Variants in CLINT1 observed in about 807,000 individuals in gnomAD.
CLINT1 encodes clathrin interactor 1.
In CLINT1, 15 loss-of-function variants were observed where a neutral mutation model predicts 70.4. The ratio of observed to expected loss-of-function variants is 0.21; its 90% CI spans 0.14 to 0.33. The LOEUF (loss-of-function observed/expected upper bound fraction) is 0.33, where lower values mean the gene tolerates loss of function less well. CLINT1 is among the 10% of genes least tolerant of loss of function. The pLI, the probability that CLINT1 is intolerant of heterozygous loss-of-function variation, is 1.00. For synonymous variants in CLINT1, 227 were observed against 254.7 expected (o/e 0.89, Z 1.04); for missense variants, 615 against 778.1 (o/e 0.79, Z 2.49).
chr5:157,858,813 TG>T, intron 1 of CLINT1, 116 bp downstream of exon 1: 1 of 1,131,362 alleles, frequency 8.8e-7, no homozygotes, highest in Non-Finnish European at 1.3e-6. Flanking sequence ...GCCGCCATGA[TG>T]GGGCTGGCAG....
At chr5:157,798,160 T>C (rs1471622909) in intron 8 of CLINT1, among the ~76,000 whole-genome samples, 1 of 152,234 alleles carries the variant, frequency 6.6e-6, no homozygotes, top group Non-Finnish European at 1.5e-5. Flanking sequence ...CATATCTGTA[T>C]GTATGATATT....
At chr5:157,793,191 T>C (rs754531375) in intron 9 of CLINT1, among the ~76,000 whole-genome samples, 36 of 151,800 alleles carry the variant, frequency 2.4e-4, no homozygotes, top group Non-Finnish European at 4.4e-4. Context: ...TACCTCAGGG[T>C]TTTACTAATA....
chr5:157,835,870 T>G (rs558574513), intron 1 of CLINT1, among the ~76,000 whole-genome samples: 8 of 152,226 alleles, frequency 5.3e-5, no homozygotes, highest in Admixed American at 3.9e-4. Flanking sequence ...ATAGAAAGAT[T>G]TGAAGAACTA....
intron 1 of CLINT1, among the ~76,000 whole-genome samples, chr5:157,845,984 T>C (rs1339359179): frequency 1.3e-5 from 2 of 152,186 alleles, no homozygotes; most frequent in East Asian, 1.9e-4. Flanking sequence ...TGCTAATTGA[T>C]AGTAAGTTGA....
chr5:157,845,035 A>G (rs1019521987), intron 1 of CLINT1, among the ~76,000 whole-genome samples: 1 of 152,204 alleles, frequency 6.6e-6, no homozygotes, highest in Non-Finnish European at 1.5e-5. Context: ...ACACACTGCA[A>G]CTGAATTTGG....
chr5:157,827,469 C>A (rs74568174), intron 1 of CLINT1, among the ~76,000 whole-genome samples: 1,562 of 152,058 alleles, frequency 0.01, 36 homozygotes, highest in African/African-American at 0.037. Context: ...ATATTTAAAC[C>A]AGGATAGTGG....
rs182321298 is a variant in CLINT1, at chr5:157,848,162, C to T, written c.41+10768G>A. Among the ~76,000 whole-genome samples the T allele has an allele frequency of 1.7e-4, 25 of 144,954 alleles. No homozygotes were observed. In the East Asian group the frequency reaches 4.2e-3, roughly 25 times the overall value. ...CTCTGTCGCCCAGGCTGGAGTGGCA[C>T]TATCTTGGCTCACTGAAACCTCCAC... On this transcript the variant is annotated intron_variant, in intron 1 of 11. Transcript: ENST00000411809.
At chr5:157,837,648 ACT>A (rs1763471780) in intron 1 of CLINT1, among the ~76,000 whole-genome samples, 1 of 70,198 alleles carries the variant, frequency 1.4e-5, no homozygotes, top group African/African-American at 5.5e-5. Context: ...AAGCTCTTTT[ACT>A]TTTTTTTTTT....
intron 1 of CLINT1, among the ~76,000 whole-genome samples, chr5:157,842,732 A>G (rs1351672589): frequency 2.0e-5 from 3 of 152,240 alleles, no homozygotes; most frequent in African/African-American, 7.2e-5. Context: ...AATAAATTTT[A>G]AAAGTTTAAG....
intron 1 of CLINT1, among the ~76,000 whole-genome samples, chr5:157,851,827 C>T (rs1270742211): frequency 6.6e-6 from 1 of 152,018 alleles, no homozygotes; most frequent in African/African-American, 2.4e-5. Flanking sequence ...TAAATCTATC[C>T]ACAAGTAATA....
In CLINT1 at chr5:157,791,968, A is replaced by C; in HGVS notation, c.1115T>G (p.Phe372Cys). The change falls in exon 10 of 12, where the codon TTT becomes TGT. Residue 372 changes from phenylalanine (F) to cysteine (C), a missense_variant. Phe to Cys is a radical substitution (Grantham distance 205). Coordinates refer to ENST00000411809, the MANE Select transcript of CLINT1 (RefSeq NM_014666.4). ...QVTATSGNGD[F>C]GDWSAFNQAP... ...TTGGTTGAAGGCACTCCAGTCACCA[A>C]AGTCTCCATTCCCACTTGTTGCTGT... The C allele has an allele frequency of 6.2e-7, 1 of 1,613,792 alleles. No homozygotes were observed. Among genetic ancestry groups the C allele is most frequent in the Non-Finnish European group, 8.5e-7 (1 of 1,179,804 alleles).
intron 8 of CLINT1, among the ~76,000 whole-genome samples, chr5:157,802,993 A>T (rs193013714): frequency 1.1e-4 from 16 of 152,348 alleles, no homozygotes; most frequent in Admixed American, 1.0e-3. Context: ...TGAGGACAAC[A>T]ACTCTGTTTT....
Position 157,788,011 on chromosome 5 carries a change from C to G in CLINT1, c.1532-19G>C. The G allele has an allele frequency of 1.3e-6, 2 of 1,569,230 alleles. No homozygotes were observed. Among genetic ancestry groups the G allele is most frequent in the African/African-American group, 1.3e-5 (1 of 74,218 alleles). On this transcript the variant is annotated intron_variant, in intron 11 of 11. Coordinates refer to ENST00000411809, the MANE Select transcript of CLINT1 (RefSeq NM_014666.4). ...TGCATATCTACCAGACGAAAACAGACAGAAGAACTTTACCACAATAAATTT... is the reference window on the plus strand; with the variant it reads ...TGCATATCTACCAGACGAAAACAGAGAGAAGAACTTTACCACAATAAATTT...
At chr5:157,822,469 T>A (rs887650467) in intron 1 of CLINT1, among the ~76,000 whole-genome samples, 7 of 152,210 alleles carry the variant, frequency 4.6e-5, no homozygotes, top group Admixed American at 4.6e-4. Flanking sequence ...CATGTGGAAC[T>A]GTGTCCAATT....
chr5:157,794,632 T>C (rs1390282408), intron 9 of CLINT1, among the ~76,000 whole-genome samples: 1 of 152,164 alleles, frequency 6.6e-6, no homozygotes, highest in Non-Finnish European at 1.5e-5. Flanking sequence ...CACATCCTCC[T>C]TTCCCTTTCA....
chr5:157,793,268 T>G (rs1303707139), intron 9 of CLINT1, among the ~76,000 whole-genome samples: 1 of 152,064 alleles, frequency 6.6e-6, no homozygotes, highest in Non-Finnish European at 1.5e-5. Context: ...GTTCTAGATA[T>G]TAAACAATTT....
intron 1 of CLINT1, among the ~76,000 whole-genome samples, chr5:157,831,185 T>G (rs1443595365): frequency 2.0e-5 from 3 of 149,922 alleles, no homozygotes; most frequent in Non-Finnish European, 4.4e-5. Context: ...TTTCTTCGTG[T>G]TTTACTTTTT....
intron 1 of CLINT1, among the ~76,000 whole-genome samples, chr5:157,848,591 C>T (rs1045971414): frequency 1.3e-5 from 2 of 151,736 alleles, no homozygotes; most frequent in Non-Finnish European, 1.5e-5. Flanking sequence ...GCAACCTCTG[C>T]CTCCCGGGTT....
rs1310414310 is a variant in CLINT1, at chr5:157,794,905, A to G, written c.1080T>C (p.Pro360=). 6 of 1,557,854 alleles carry G rather than the reference A, an allele frequency of 3.9e-6. No individual in the cohort carries two copies. Among genetic ancestry groups the G allele is most frequent in the East Asian group, 2.4e-5 (1 of 41,646 alleles). ...FGSAAASGSF[P]SQVTATSGNG... is the part of the protein sequence containing the mutation. ...AATCAAATTGAATCATACCTTGGGA[A>G]GGGAAACTGCCTGATGCAGCAGCTG... Residue 360 remains proline, a synonymous_variant, in exon 9 of 12, where the codon CCT becomes CCC. Coordinates refer to ENST00000411809, the MANE Select transcript of CLINT1 (RefSeq NM_014666.4).
Sources: allele counts gnomAD v4.1 joint callset (sites outside exome capture counted in the v4.1 genomes callset), GRCh38; gene constraint gnomAD v4.1.1; transcripts MANE v1.5; gene names NCBI Gene and HGNC (gene_info 2026-07-23, HGNC 2026-07-21).